Variants in SORCS2 observed in about 807,000 individuals in gnomAD.
SORCS2 encodes sortilin related VPS10 domain containing receptor 2.
A neutral mutation model predicts 141.6 loss-of-function variants in SORCS2; 100 were observed. The ratio of observed to expected loss-of-function variants is 0.71; its 90% CI spans 0.60 to 0.83. The LOEUF is 0.83. SORCS2 is among the 40% of genes least tolerant of loss of function. The pLI, the probability that SORCS2 is intolerant of heterozygous loss-of-function variation, is 0.00. For synonymous variants in SORCS2, 789 were observed against 676.9 expected, an observed-to-expected ratio of 1.17 and a Z score of -2.57; for missense variants, 1,646 against 1,560.2, an observed-to-expected ratio of 1.05 and a Z score of -0.93.
intron 3 of SORCS2, among the ~76,000 whole-genome samples, chr4:7,565,516 G>T (rs964760711): frequency 6.6e-6 from 1 of 152,166 alleles, no homozygotes; most frequent in Non-Finnish European, 1.5e-5. Context: ...TAAAGATGAT[G>T]ATTATGATAA....
chr4:7,420,342 C>G (rs1482789120), intron 2 of SORCS2, among the ~76,000 whole-genome samples: 1 of 152,194 alleles, frequency 6.6e-6, no homozygotes, highest in Admixed American at 6.5e-5. Context: ...CAGTGATATT[C>G]TCCACCTTGC....
chr4:7,602,458 C>T (rs28696153), intron 3 of SORCS2, among the ~76,000 whole-genome samples: 3,499 of 150,022 alleles, frequency 0.023, 156 homozygotes, highest in African/African-American at 0.081. Flanking sequence ...CAGGCAGAGG[C>T]GCTCCTCACA....
At chr4:7,592,601 C>G (rs951437257) in intron 3 of SORCS2, among the ~76,000 whole-genome samples, 5 of 152,224 alleles carry the variant, frequency 3.3e-5, no homozygotes, top group Non-Finnish European at 5.9e-5. Context: ...AATCTGCGGT[C>G]TCTCCCCGTC....
rs141707728 is a variant in SORCS2, at chr4:7,194,321, C to A, written c.480+1195C>A. ...CTCTGGAGCCAGGAAAGGGCATAATCTGGGTGGTCACTTGTGCCCATCTCC... is the reference window on the plus strand; with the variant it reads ...CTCTGGAGCCAGGAAAGGGCATAATATGGGTGGTCACTTGTGCCCATCTCC... On this transcript the variant is annotated intron_variant, in intron 1 of 26. Transcript: ENST00000507866. Among the ~76,000 whole-genome samples, 6 of 152,302 alleles carry A rather than the reference C, an allele frequency of 3.9e-5. No homozygotes were observed. In the East Asian group the frequency reaches 1.2e-3, roughly 29 times the overall value.
chr4:7,648,109 G>A lies in SORCS2; in HGVS notation c.814-6025G>A, dbSNP rs1054878774. On this transcript the variant is annotated intron_variant, in intron 4 of 26. Transcript: ENST00000507866. This position sits in a 1 kb window ranked among gnomAD's most constrained non-coding sequence, Gnocchi z 4.2. Reference sequence around the variant, plus strand: ...GGCTCTGCTTACGGTGGGGCAGGTGGGGTGGCGGGCACCTCTGGGATTGTG... The same window carrying A: ...GGCTCTGCTTACGGTGGGGCAGGTGAGGTGGCGGGCACCTCTGGGATTGTG... Among the ~76,000 whole-genome samples the A allele has an allele frequency of 1.3e-5, 2 of 152,150 alleles. No individual in the cohort carries two copies. The highest frequency in any genetic ancestry group is 1.3e-4 in the Admixed American group (2 of 15,258).
At chr4:7,214,145 A>T (rs1728197074) in intron 1 of SORCS2, among the ~76,000 whole-genome samples, 1 of 152,178 alleles carries the variant, frequency 6.6e-6, no homozygotes, top group African/African-American at 2.4e-5. Context: ...CACTGGGGAC[A>T]GCTGGTGGGT....
intron 2 of SORCS2, among the ~76,000 whole-genome samples, chr4:7,455,356 G>A (rs1446155612): frequency 2.2e-5 from 2 of 89,770 alleles, no homozygotes; most frequent in African/African-American, 4.6e-5. Flanking sequence ...GGGGTCAGGC[G>A]CTATGTTGGG....
In SORCS2 at chr4:7,453,213, G is replaced by A. The variant is rs539533170; in HGVS notation, c.548+56858G>A. On this transcript the variant is annotated intron_variant, in intron 2 of 26. Transcript: ENST00000507866. ...GTCAGGCTCCGTGTTGGGGTCAGGC[G>A]CTGTGTTGGGGTTAGGAGCTGTGTG... Among the ~76,000 whole-genome samples, 442 of 111,214 alleles carry A rather than the reference G, an allele frequency of 4.0e-3. 3 individuals are homozygous for A. Among genetic ancestry groups the A allele is most frequent in the African/African-American group, 0.015 (414 of 27,522 alleles). 73.0% of individuals were successfully genotyped at this position (111,214 alleles called of 152,430 possible).
chr4:7,629,689 TG>T (rs1406852321), intron 3 of SORCS2, among the ~76,000 whole-genome samples: 1 of 152,034 alleles, frequency 6.6e-6, no homozygotes, highest in African/African-American at 2.4e-5. Flanking sequence ...GCCAGGAGTC[TG>T]TGCATGGAGC....
At chr4:7,639,952 TGA>T (rs1269689981) in intron 4 of SORCS2, among the ~76,000 whole-genome samples, 1 of 149,864 alleles carries the variant, frequency 6.7e-6, no homozygotes, top group Non-Finnish European at 1.5e-5. Flanking sequence ...TTTGTGAGAA[TGA>T]GTGTGGGTGT....
chr4:7,334,208 G>A (rs1169812133), intron 1 of SORCS2, among the ~76,000 whole-genome samples: 1 of 152,132 alleles, frequency 6.6e-6, no homozygotes, highest in African/African-American at 2.4e-5. Context: ...GCTGGGCCTG[G>A]CAGTGAGGCT....
chr4:7,460,413 C>T (rs1214667668), intron 2 of SORCS2, among the ~76,000 whole-genome samples: 1 of 152,222 alleles, frequency 6.6e-6, no homozygotes. Context: ...TGCCAGACTC[C>T]CCCAGCTTCA....
At chr4:7,313,693 G>C (rs1718351999) in intron 1 of SORCS2, among the ~76,000 whole-genome samples, 1 of 152,192 alleles carries the variant, frequency 6.6e-6, no homozygotes, top group South Asian at 2.1e-4. Flanking sequence ...CGGCTTCACT[G>C]CCTCTCGCCT....
intron 3 of SORCS2, among the ~76,000 whole-genome samples, chr4:7,570,686 TG>T (rs1201436095): frequency 6.6e-6 from 1 of 152,118 alleles, no homozygotes. Flanking sequence ...GTTCTGCTTT[TG>T]TCCCCTTCCC....
At position 7,568,820 on chromosome 4, in the gene SORCS2, C is replaced by T. The variant is rs573365648; in HGVS notation, c.648+37191C>T. On this transcript the variant is annotated intron_variant, in intron 3 of 26. Coordinates refer to ENST00000507866, the MANE Select transcript of SORCS2 (RefSeq NM_020777.3). ...ATTACAAGGTAGTGGGAAGGAATTCCGTGGAAAGTGACTGATCTAGTTCAT... is the reference window on the plus strand; with the variant it reads ...ATTACAAGGTAGTGGGAAGGAATTCTGTGGAAAGTGACTGATCTAGTTCAT... Among the ~76,000 whole-genome samples, 8 of 152,296 alleles carry T rather than the reference C, an allele frequency of 5.3e-5. No individual in the cohort carries two copies. In the South Asian group the frequency reaches 1.7e-3, roughly 32 times the overall value.
chr4:7,626,905 C>T (rs1719547814), intron 3 of SORCS2, among the ~76,000 whole-genome samples: 1 of 152,184 alleles, frequency 6.6e-6, no homozygotes, highest in African/African-American at 2.4e-5. Context: ...TGGTACTGTT[C>T]CCCATCCTCA....
intron 3 of SORCS2, among the ~76,000 whole-genome samples, chr4:7,540,999 A>C (rs1460243367): frequency 6.6e-6 from 1 of 152,260 alleles, no homozygotes; most frequent in Non-Finnish European, 1.5e-5. Flanking sequence ...CCAGGCACAC[A>C]GCTGGGGCTC....
chr4:7,548,713 C>T (rs1422227124), intron 3 of SORCS2, among the ~76,000 whole-genome samples: 1 of 151,992 alleles, frequency 6.6e-6, no homozygotes, highest in Non-Finnish European at 1.5e-5. Context: ...GAGGGCACAG[C>T]AACAGGAATG....
intron 1 of SORCS2, among the ~76,000 whole-genome samples, chr4:7,351,858 C>A (rs1409725024): frequency 6.6e-6 from 1 of 152,068 alleles, no homozygotes; most frequent in East Asian, 1.9e-4. Flanking sequence ...ACCCATCAAT[C>A]CATTCATCCC....
Sources: gnomAD v4.1 joint callset for allele counts (sites outside exome capture counted in the v4.1 genomes callset) on GRCh38, gnomAD v4.1.1 for gene constraint, Gnocchi (gnomAD v3.1) non-coding constraint, MANE v1.5 for transcripts, NCBI Gene and HGNC (gene_info 2026-07-23, HGNC 2026-07-21) for gene names.